UNC13B: variants seen among roughly 807,000 people sequenced by gnomAD.
UNC13B encodes the protein protein unc-13 homolog B.
A neutral mutation model predicts 211.0 loss-of-function variants in UNC13B; 144 were observed. The observed-to-expected ratio is 0.68, with a 90% CI of 0.60 to 0.78. The LOEUF (loss-of-function observed/expected upper bound fraction) is 0.78. Among genes scored for constraint, UNC13B ranks in the 30% least tolerant of loss-of-function variants. The pLI is 0.00. For missense variants in UNC13B, 1,777 were observed against 2,002.0 expected (o/e 0.89, Z 2.14); for synonymous variants, 709 against 725.8 (o/e 0.98, Z 0.37).
At chr9:35,332,592 A>G (rs1031621399) in intron 11 of UNC13B, among the ~76,000 whole-genome samples, 1 of 151,576 alleles carries the variant, frequency 6.6e-6, no homozygotes, top group African/African-American at 2.4e-5. Flanking sequence ...GGTTCTCTTT[A>G]TTTGCTTAGA....
Position 35,298,298 on chromosome 9 carries a change from T to C in UNC13B, c.762-1868T>C, listed in dbSNP as rs1331810539. On this transcript the variant is annotated intron_variant, in intron 8 of 39. Transcript: ENST00000635942. ...AGCTGGATGTGGTGGCGCATGCCTA[T>C]GGTCCTAGCTACTTGGGAGGCTGAG... Among the ~76,000 whole-genome samples, 6 of 152,308 alleles carry C rather than the reference T, an allele frequency of 3.9e-5. No homozygotes were observed. The East Asian group carries it at 7.7e-4, about 20-fold the overall frequency.
chr9:35,234,135 G>C (rs1031882286), intron 3 of UNC13B, among the ~76,000 whole-genome samples: 4 of 151,890 alleles, frequency 2.6e-5, no homozygotes, highest in African/African-American at 9.7e-5. Flanking sequence ...TTATTTTGTG[G>C]GACAGGGTCT....
chr9:35,217,946 C>A (rs1460285970), intron 1 of UNC13B, among the ~76,000 whole-genome samples: 1 of 151,888 alleles, frequency 6.6e-6, no homozygotes. Flanking sequence ...GGAGCCTGAG[C>A]CCTGGAGGTG....
chr9:35,259,798 G>GC (rs1461764372), intron 7 of UNC13B, among the ~76,000 whole-genome samples: 2 of 142,036 alleles, frequency 1.4e-5, no homozygotes, highest in Non-Finnish European at 1.5e-5. Context: ...GGGGGATGCG[G>GC]GGGGGGGGGA....
chr9:35,286,818 G>T (rs979514435), intron 7 of UNC13B, among the ~76,000 whole-genome samples: 2 of 152,164 alleles, frequency 1.3e-5, no homozygotes, highest in African/African-American at 2.4e-5. Flanking sequence ...TGCTGGGAGG[G>T]TGGTGCATCG....
At chr9:35,231,805 C>T (rs1825219055) in intron 3 of UNC13B, among the ~76,000 whole-genome samples, 1 of 152,064 alleles carries the variant, frequency 6.6e-6, no homozygotes, top group Non-Finnish European at 1.5e-5. Flanking sequence ...TTTAATTAAA[C>T]TTTGGCTTTA....
chr9:35,335,188 C>G (rs1831584727), intron 11 of UNC13B, among the ~76,000 whole-genome samples: 1 of 152,184 alleles, frequency 6.6e-6, no homozygotes, highest in Non-Finnish European at 1.5e-5. Context: ...GAGAAGTCTT[C>G]TCAGAGGAAT....
At chr9:35,332,664 T>G (rs916588464) in intron 11 of UNC13B, among the ~76,000 whole-genome samples, 3 of 152,222 alleles carry the variant, frequency 2.0e-5, no homozygotes, top group Non-Finnish European at 4.4e-5. Context: ...ATTTTATGTA[T>G]TACTGCCAGA....
At position 35,403,745 on chromosome 9, in the gene UNC13B, C is replaced by T; in HGVS notation, c.12738-3C>T. The T allele has an allele frequency of 6.2e-7, 1 of 1,613,964 alleles. No homozygotes were observed. The highest frequency in any genetic ancestry group is 1.1e-5 in the South Asian group (1 of 91,064). ...CCTCATAACTTCTATCTTGTGCTCA[C>T]AGCCTCCTGGGAAATGAGGAGGGGC... is the stretch of plus-strand genomic sequence containing the variant. On this transcript the variant is annotated splice_polypyrimidine_tract_variant and splice_region_variant and intron_variant, in intron 39 of 39. Transcript: ENST00000635942.
intron 7 of UNC13B, among the ~76,000 whole-genome samples, chr9:35,270,339 ATGTG>A (rs67433459): frequency 0.62 from 93,614 of 150,236 alleles, 29,754 homozygotes; most frequent in Middle Eastern, 0.73. Flanking sequence ...ATGTATATAT[ATGTG>A]TGTGTGTGTG....
At chr9:35,269,328 A>G (rs1298094183) in intron 7 of UNC13B, among the ~76,000 whole-genome samples, 8 of 152,340 alleles carry the variant, frequency 5.3e-5, no homozygotes, top group Admixed American at 3.9e-4. Flanking sequence ...GCCAGATGAA[A>G]TGATACATTG....
chr9:35,352,803 AG>A, intron 11 of UNC13B: 1 of 1,232,202 alleles, frequency 8.1e-7, no homozygotes, highest in Non-Finnish European at 1.0e-6. Flanking sequence ...CATCAGTTTG[AG>A]GAACCTGCCC....
rs865806677 is a variant in UNC13B, at chr9:35,307,370, C to T, written c.7966C>T (p.His2656Tyr). 1.3e-5 allele frequency: 5 copies of T among 399,038 alleles called. No homozygotes were observed. Among genetic ancestry groups the T allele is most frequent in the Non-Finnish European group, 1.8e-5 (4 of 226,092 alleles). 24.7% of individuals were successfully genotyped at this position (399,038 alleles called of 1,614,324 possible). The stretch of plus-strand genomic sequence containing the variant: ...GAACTTTGCGCTGCCAGCACAGTTG[C>T]ATCCAGATCCTACCTGCATTGCCGA... ...AENFALPAQLHPDPTCIAEEL... is the reference protein window; with the variant it reads ...AENFALPAQLYPDPTCIAEEL... Residue 2656 changes from histidine (H) to tyrosine (Y), a missense_variant, in exon 9 of 40, where the codon CAT (histidine) becomes TAT (tyrosine). His to Tyr is a moderately conservative substitution (Grantham distance 83, BLOSUM62 2). Transcript: ENST00000635942.
chr9:35,300,075 C>A (rs1336576528), intron 8 of UNC13B, 91 bp from the exon 9 acceptor site: 4 of 397,408 alleles, frequency 1.0e-5, no homozygotes, highest in Non-Finnish European at 1.8e-5. Flanking sequence ...CAAAAACAAC[C>A]AAAGTATAAG....
At chr9:35,162,395 A>C in intron 1 of UNC13B, 90 bp downstream of exon 1, 1 of 1,426,216 alleles carries the variant, frequency 7.0e-7, no homozygotes, top group East Asian at 2.8e-5. Context: ...GTCTCACCCA[A>C]ACTTTACATC....
intron 33 of UNC13B, 32 bp downstream of exon 33, chr9:35,399,066 G>T (rs1836095436): frequency 1.9e-6 from 3 of 1,613,534 alleles, no homozygotes; most frequent in South Asian, 2.2e-5. Context: ...ATCCTGTGGG[G>T]ATGAGCAAAG....
chr9:35,339,786 CA>C (rs1261192948), intron 11 of UNC13B, among the ~76,000 whole-genome samples: 1 of 152,232 alleles, frequency 6.6e-6, no homozygotes, highest in Admixed American at 6.5e-5. Flanking sequence ...GTTTGGGTGA[CA>C]AGACAGGGTG....
chr9:35,398,485 G>A (rs1028189563), intron 31 of UNC13B, 69 bp from the exon 32 acceptor site: 4 of 1,499,698 alleles, frequency 2.7e-6, no homozygotes, highest in African/African-American at 1.4e-5. Context: ...CAAGGAAGTA[G>A]TAGGGGTGTG....
chr9:35,398,422 A>G, intron 31 of UNC13B, 132 bp from the exon 32 acceptor site: 1 of 1,348,604 alleles, frequency 7.4e-7, no homozygotes. Flanking sequence ...AATCTGAGGT[A>G]GGCATTCGGG....
Sources: gnomAD v4.1 joint callset for allele counts (sites outside exome capture counted in the v4.1 genomes callset) on GRCh38, gnomAD v4.1.1 for gene constraint, MANE v1.5 for transcripts, NCBI Gene and HGNC (gene_info 2026-07-23, HGNC 2026-07-21) for gene names.